The following THRAP3 variants were observed in gnomAD, a reference collection of about 807,000 sequenced individuals.
THRAP3 encodes the protein thyroid hormone receptor associated protein 3, also known as thyroid hormone receptor-associated protein 3.
THRAP3 carries 16 observed loss-of-function variants against 101.0 expected under a neutral mutation model. The observed-to-expected ratio is 0.16, with a 90% CI of 0.11 to 0.24. The LOEUF is 0.24. Ranked by LOEUF, THRAP3 falls within the 10% of genes least tolerant of loss-of-function variation. The pLI is 1.00. For missense variants in THRAP3, 989 were observed against 1,202.7 expected, an observed-to-expected ratio of 0.82 and a Z score of 2.63; for synonymous variants, 407 against 422.6, an observed-to-expected ratio of 0.96 and a Z score of 0.45.
chr1:36,237,294 C>G (rs963493369), intron 1 of THRAP3, among the ~76,000 whole-genome samples: 1 of 151,844 alleles, frequency 6.6e-6, no homozygotes, highest in Non-Finnish European at 1.5e-5. Flanking sequence ...ATGGTGAAAT[C>G]CTGTCTCTAC....
intron 7 of THRAP3, 109 bp downstream of exon 7, chr1:36,292,818 A>G (rs560716768): frequency 2.1e-5 from 16 of 771,524 alleles, no homozygotes; most frequent in Non-Finnish European, 3.4e-5. Context: ...CAAAATTTAC[A>G]GTAACATCCT....
At chr1:36,289,791 A>G (rs1302317648) in intron 5 of THRAP3, 27 bp downstream of exon 5, 1 of 1,564,812 alleles carries the variant, frequency 6.4e-7, no homozygotes, top group East Asian at 2.2e-5. Context: ...CTTGATCCTC[A>G]GTGCTTTAGT....
intron 2 of THRAP3, among the ~76,000 whole-genome samples, chr1:36,274,034 C>T (rs1036425866): frequency 6.2e-5 from 9 of 144,910 alleles, no homozygotes; most frequent in African/African-American, 2.4e-4. Context: ...CAGAGCAAGA[C>T]TCCACCTCAA....
chr1:36,261,369 A>G (rs1258069598), intron 2 of THRAP3, among the ~76,000 whole-genome samples: 1 of 152,092 alleles, frequency 6.6e-6, no homozygotes, highest in African/African-American at 2.4e-5. Context: ...CATCTCTACT[A>G]AAAATACAAA....
upstream of THRAP3, among the ~76,000 whole-genome samples, chr1:36,220,972 A>ATATATATAT (rs1553189233): frequency 1.1e-5 from 1 of 94,124 alleles, no homozygotes; most frequent in African/African-American, 4.7e-5. Context: ...AAAAAAAAAA[A>ATATATATAT]ATATATATAT....
intron 2 of THRAP3, among the ~76,000 whole-genome samples, chr1:36,264,384 A>G: frequency 6.6e-6 from 1 of 152,006 alleles, no homozygotes; most frequent in East Asian, 1.9e-4. Context: ...CATTTGGAAG[A>G]TGGAGAGAGT....
At chr1:36,263,024 A>T (rs1645467364) in intron 2 of THRAP3, among the ~76,000 whole-genome samples, 1 of 134,004 alleles carries the variant, frequency 7.5e-6, no homozygotes. Flanking sequence ...GTTAGCCAGG[A>T]TGGTCTCTAT....
intron 2 of THRAP3, among the ~76,000 whole-genome samples, chr1:36,282,266 T>C (rs1645742422): frequency 6.6e-6 from 1 of 151,102 alleles, no homozygotes. Context: ...AGGGTATTGC[T>C]CTTTCCTCCA....
intron 1 of THRAP3, among the ~76,000 whole-genome samples, chr1:36,233,743 G>C (rs192613570): frequency 6.6e-6 from 1 of 152,074 alleles, no homozygotes; most frequent in Non-Finnish European, 1.5e-5. Context: ...TCTAGCCTGG[G>C]TGACAAAGTG....
In THRAP3 at chr1:36,286,904, A is replaced by T; in HGVS notation, c.674A>T (p.Asp225Val). The T allele has an allele frequency of 6.2e-7, 1 of 1,614,166 alleles. No homozygotes were observed. The highest frequency in any genetic ancestry group is 8.5e-7 in the Non-Finnish European group (1 of 1,179,988). Residue 225 changes from aspartate to valine, a missense_variant, in exon 4 of 12, where the codon GAT becomes GTT. Asp to Val is a radical substitution (Grantham distance 152, BLOSUM62 -3). Coordinates refer to ENST00000354618, the MANE Select transcript of THRAP3 (RefSeq NM_005119.4). This position sits in a 1 kb window ranked among gnomAD's most constrained non-coding sequence, Gnocchi z 5.5. ...KASESSKPWP[D>V]ATYGTGSASR... Reference sequence around the variant, plus strand: ...TCTGAGAGCTCGAAGCCATGGCCAGATGCCACCTACGGCACTGGTTCTGCA... The same window carrying T: ...TCTGAGAGCTCGAAGCCATGGCCAGTTGCCACCTACGGCACTGGTTCTGCA...
At chr1:36,215,390 T>G in the THRAP3 span, among the ~76,000 whole-genome samples, 138 of 152,282 alleles carry the variant, frequency 9.1e-4, 1 homozygote, top group Non-Finnish European at 1.3e-3. Context: ...ATGGCAGACC[T>G]AACAACATTT....
At position 36,293,926 on chromosome 1, in the gene THRAP3, T is replaced by C. The variant is rs1427560593; in HGVS notation, c.2106T>C (p.Pro702=). 6.2e-7 allele frequency: 1 copy of C among 1,613,580 alleles called. No individual in the cohort carries two copies. The highest frequency in any genetic ancestry group is 2.2e-5 in the East Asian group (1 of 44,872). The change falls in exon 8 of 12, where the codon CCT becomes CCC. Residue 702 remains proline (P), a synonymous_variant. Transcript: ENST00000354618. ...ATGAAATGAAAAGTCCCCGGGAACC[T>C]GGCTACAAGGTGAACTGTTGATTTG... is the stretch of plus-strand genomic sequence containing the variant. The part of the protein sequence containing the change: ...AHDEMKSPRE[P]GYKAEGKYKD...
At chr1:36,249,828 T>C (rs1366508303) in intron 1 of THRAP3, among the ~76,000 whole-genome samples, 6 of 151,810 alleles carry the variant, frequency 4.0e-5, no homozygotes, top group Non-Finnish European at 7.4e-5. Flanking sequence ...AAAAATGTAG[T>C]TTGATTAAGG....
In THRAP3 at chr1:36,305,003, TC is replaced by T. The variant is rs1487024842; in HGVS notation, c.*987del. On this transcript the variant is annotated 3_prime_UTR_variant, in exon 12 of 12. Coordinates refer to ENST00000354618, the MANE Select transcript of THRAP3 (RefSeq NM_005119.4). ...GGTGGTTCAGGGGTTTTTTTGGGTT[TC>T]TTTTTTTTTTTCTTTGTCTTTTTAA... The T allele has an allele frequency of 4.8e-6, 1 of 209,854 alleles. No homozygotes were observed. The highest frequency in any genetic ancestry group is 2.3e-5 in the African/African-American group (1 of 43,994). The allele number at this position is 209,854 out of a possible 1,614,324, so 13.0% of individuals were successfully genotyped here. A position where few individuals can be genotyped will look rare whatever the true frequency, so the allele number is the denominator to read the frequency against.
the THRAP3 span, among the ~76,000 whole-genome samples, chr1:36,214,046 GAAAGAAAGA>G: frequency 9.8e-3 from 1,284 of 130,882 alleles, 16 homozygotes; most frequent in Middle Eastern, 0.024. Context: ...AAGAAAGAAA[GAAAGAAAGA>G]AAGAAAGAAA....
upstream of THRAP3, among the ~76,000 whole-genome samples, chr1:36,220,953 C>CAAA (rs1206488922): frequency 6.2e-3 from 276 of 44,316 alleles, 8 homozygotes; most frequent in African/African-American, 0.014. Context: ...GAGACTGTCT[C>CAAA]AAAAAAAAAA....
intron 2 of THRAP3, among the ~76,000 whole-genome samples, chr1:36,273,078 C>T (rs1428991074): frequency 6.6e-6 from 1 of 152,238 alleles, no homozygotes; most frequent in African/African-American, 2.4e-5. Context: ...ACGCAAAGCA[C>T]TGAAGATGAA....
Position 36,289,704 on chromosome 1 carries a change from C to G in THRAP3, c.1685C>G (p.Ser562Cys). 1 of 1,614,036 alleles carries G rather than the reference C, an allele frequency of 6.2e-7. No homozygotes were observed. Among genetic ancestry groups the G allele is most frequent in the Non-Finnish European group, 8.5e-7 (1 of 1,179,990 alleles). Residue 562 changes from serine to cysteine, a missense_variant, in exon 5 of 12, where the codon TCC becomes TGC. Ser to Cys is a moderately radical substitution (Grantham distance 112). Transcript: ENST00000354618. ...TTTCCCACAGGAAAGTCTTCCTTTT[C>G]CATTACTCGAGAGGCACAGGTCAAT... ...GDFPTGKSSF[S>C]ITREAQVNVR...
chr1:36,259,751 A>G lies in THRAP3; in HGVS notation c.-32+267A>G, dbSNP rs59364051. Among the ~76,000 whole-genome samples the G allele has an allele frequency of 6.5e-3, 885 of 136,296 alleles. 8 individuals are homozygous for G. The highest frequency in any genetic ancestry group is 0.022 in the African/African-American group (851 of 38,050). The allele number at this position is 136,296 out of a possible 152,430, so 89.4% of individuals were successfully genotyped here. On this transcript the variant is annotated intron_variant, in intron 2 of 11. Transcript: ENST00000354618. ...ACTGCACTCCAGCCTGGGTGACAGC[A>G]AGACCCTGTCTCAAAAAAAAAAAAA...
Sources: gnomAD v4.1 joint callset for allele counts (sites outside exome capture counted in the v4.1 genomes callset) on GRCh38, gnomAD v4.1.1 for gene constraint, Gnocchi (gnomAD v3.1) non-coding constraint, MANE v1.5 for transcripts, NCBI Gene and HGNC (gene_info 2026-07-23, HGNC 2026-07-21) for gene names.